Variants in MTMR8 observed in about 807,000 individuals in gnomAD.
MTMR8 encodes phosphatidylinositol-3,5-bisphosphate 3-phosphatase MTMR8.
MTMR8 carries 65 observed loss-of-function variants against 39.3 expected under a neutral mutation model. The observed-to-expected ratio is 1.65, with a 90% CI of 1.35 to 2.03. The LOEUF is 2.03. Ranked by LOEUF, MTMR8 falls within the 30% of genes most tolerant of loss-of-function variation. The probability of loss-of-function intolerance (pLI) is 0.00; values close to 1 mark genes in which losing one functional copy is unlikely to be tolerated. For missense variants in MTMR8, 777 were observed against 538.9 expected, an observed-to-expected ratio of 1.44 and a Z score of -4.37; for synonymous variants, 245 against 185.2, an observed-to-expected ratio of 1.32 and a Z score of -2.62.
intron 6 of MTMR8, 137 bp downstream of exon 6, chrX:64,348,523 A>G: frequency 1.2e-6 from 1 of 816,692 alleles, no homozygotes; most frequent in Non-Finnish European, 1.7e-6. Context: ...GCTTCCTGAA[A>G]TGATTTTACA....
intron 13 of MTMR8, 43 bp downstream of exon 13, chrX:64,270,904 C>T (rs1307686917): frequency 1.7e-6 from 2 of 1,192,802 alleles, no homozygotes; most frequent in Non-Finnish European, 2.3e-6. Flanking sequence ...TGGACCTACC[C>T]AGAAGGGGCA....
intron 12 of MTMR8, among the ~76,000 whole-genome samples, chrX:64,284,767 C>T (rs986441784): frequency 9.0e-6 from 1 of 111,280 alleles, no homozygotes; most frequent in South Asian, 3.7e-4. Context: ...TACAGACAAG[C>T]AAATGCTGAG....
chrX:64,284,873 C>G (rs1264074347), intron 12 of MTMR8, among the ~76,000 whole-genome samples: 1 of 112,133 alleles, frequency 8.9e-6, no homozygotes, highest in Non-Finnish European at 1.9e-5. Flanking sequence ...CAAAAACAGG[C>G]TAAATCGTAA....
At chrX:64,362,135 C>G (rs1387007980) in intron 1 of MTMR8, among the ~76,000 whole-genome samples, 1 of 109,222 alleles carries the variant, frequency 9.2e-6, no homozygotes, top group African/African-American at 3.3e-5. Flanking sequence ...TACACAAGAC[C>G]TTTACAGAGA....
At chrX:64,291,482 A>G (rs1023448574) in intron 12 of MTMR8, among the ~76,000 whole-genome samples, 32 of 110,585 alleles carry the variant, frequency 2.9e-4, no homozygotes, top group African/African-American at 8.9e-4. Flanking sequence ...GCTGGCCTCT[A>G]CACTCATGCT....
At chrX:64,304,379 T>G (rs888101284) in intron 12 of MTMR8, among the ~76,000 whole-genome samples, 1 of 111,812 alleles carries the variant, frequency 8.9e-6, no homozygotes, top group African/African-American at 3.2e-5. Context: ...ACCACACTCC[T>G]GTACATAGTC....
intron 12 of MTMR8, among the ~76,000 whole-genome samples, chrX:64,277,350 T>C (rs892711719): frequency 8.9e-6 from 1 of 112,354 alleles, no homozygotes; most frequent in African/African-American, 3.2e-5. Flanking sequence ...TGATGGTCTT[T>C]ACAATTTGGT....
At chrX:64,322,048 G>GT (rs780391627) in intron 12 of MTMR8, among the ~76,000 whole-genome samples, 1,313 of 99,246 alleles carry the variant, frequency 0.013, 8 homozygotes, top group East Asian at 0.05. Flanking sequence ...TAGTATTTTT[G>GT]TTTTTTTTTT....
At chrX:64,382,568 C>T (rs755716431) in intron 1 of MTMR8, among the ~76,000 whole-genome samples, 47 of 111,352 alleles carry the variant, frequency 4.2e-4, no homozygotes, top group African/African-American at 1.4e-3. Flanking sequence ...ATTTGACTTC[C>T]TATTTCCCTA....
intron 12 of MTMR8, among the ~76,000 whole-genome samples, chrX:64,287,740 T>C (rs1166323616): frequency 9.2e-6 from 1 of 108,283 alleles, no homozygotes; most frequent in Non-Finnish European, 1.9e-5. Context: ...TAATAAATGG[T>C]GCTGGGAAAA....
chrX:64,290,810 C>G (rs1212400953), intron 12 of MTMR8, among the ~76,000 whole-genome samples: 2 of 112,190 alleles, frequency 1.8e-5, no homozygotes, highest in African/African-American at 3.2e-5. Flanking sequence ...TATTGCTGAG[C>G]AGTATTCCAT....
At position 64,328,871 on chromosome X, in the gene MTMR8, G is replaced by A; in HGVS notation, c.1382C>T (p.Pro461Leu). 2.5e-6 allele frequency: 3 copies of A among 1,195,633 alleles called. No homozygotes were observed. The highest frequency in any genetic ancestry group is 3.4e-6 in the Non-Finnish European group (3 of 890,643). The stretch of plus-strand genomic sequence containing the variant: ...GTCTGGTTTCCTCTGAACCAAGAAA[G>A]GCCACACAGAATGTGTTTTCTCATA... ...RVYEKTHSVW[P>L]FLVQRKPDFR... is the part of the protein sequence containing the mutation. Residue 461 changes from proline (P) to leucine (L), a missense_variant, in exon 12 of 14, where the codon CCT (proline) becomes CTT (leucine). Physicochemically the swap from Pro to Leu is moderately conservative, Grantham distance 98 (BLOSUM62 -3). Transcript: ENST00000374852.
Position 64,310,571 on chromosome X carries a change from T to C in MTMR8, c.1481+18201A>G, listed in dbSNP as rs143854219. Among the ~76,000 whole-genome samples, 1,044 of 111,357 alleles carry C rather than the reference T, an allele frequency of 9.4e-3. 16 individuals are homozygous for C. The highest frequency in any genetic ancestry group is 0.031 in the African/African-American group (942 of 30,599). On this transcript the variant is annotated intron_variant, in intron 12 of 13. Coordinates refer to ENST00000374852, the MANE Select transcript of MTMR8 (RefSeq NM_017677.4). ...AATGTGCAGGTTTGACACATAGGTATACATGTGTCATGTTGGTTTGCTGCA... is the reference window on the plus strand; with the variant it reads ...AATGTGCAGGTTTGACACATAGGTACACATGTGTCATGTTGGTTTGCTGCA...
At chrX:64,334,269 T>C (rs1049302645) in intron 10 of MTMR8, among the ~76,000 whole-genome samples, 4 of 110,224 alleles carry the variant, frequency 3.6e-5, no homozygotes, top group African/African-American at 1.3e-4. Context: ...ATATCCTCTA[T>C]CTCAATAAAC....
intron 12 of MTMR8, among the ~76,000 whole-genome samples, chrX:64,317,850 G>T (rs1260612677): frequency 8.9e-6 from 1 of 112,444 alleles, no homozygotes; most frequent in Non-Finnish European, 1.9e-5. Flanking sequence ...GTAAGTCAAG[G>T]TTCTCCATTT....
At chrX:64,356,823 G>A (rs1923637785) in intron 2 of MTMR8, among the ~76,000 whole-genome samples, 1 of 109,000 alleles carries the variant, frequency 9.2e-6, no homozygotes, top group Admixed American at 9.9e-5. Flanking sequence ...TCCTATTTCA[G>A]GAATGAAAAA....
intron 12 of MTMR8, among the ~76,000 whole-genome samples, chrX:64,301,190 TCTC>T (rs1194567275): frequency 7.3e-5 from 8 of 110,153 alleles, no homozygotes; most frequent in African/African-American, 2.6e-4. Flanking sequence ...TTGGTTCCAT[TCTC>T]CTCATCACTT....
chrX:64,278,694 G>A (rs1012507628), intron 12 of MTMR8, among the ~76,000 whole-genome samples: 52 of 109,368 alleles, frequency 4.8e-4, no homozygotes, highest in Non-Finnish European at 1.1e-4. Flanking sequence ...GGCTGGTCTC[G>A]AACTCCTGAC....
intron 8 of MTMR8, among the ~76,000 whole-genome samples, chrX:64,340,506 G>T (rs1415080886): frequency 1.8e-5 from 2 of 111,248 alleles, no homozygotes; most frequent in Non-Finnish European, 3.8e-5. Context: ...GGAGCAAGGA[G>T]AATAGTGAAA....
Sources: allele counts gnomAD v4.1 joint callset (sites outside exome capture counted in the v4.1 genomes callset), GRCh38; gene constraint gnomAD v4.1.1; transcripts MANE v1.5; gene names NCBI Gene and HGNC (gene_info 2026-07-23, HGNC 2026-07-21).